The following NFIL3 variants were observed in gnomAD, a reference collection of about 807,000 sequenced individuals.
NFIL3 encodes the protein nuclear factor interleukin-3-regulated protein.
A neutral mutation model predicts 10.0 loss-of-function variants in NFIL3; 5 were observed. That is an observed-to-expected ratio of 0.50 (90% confidence interval 0.26 to 1.06). The LOEUF (loss-of-function observed/expected upper bound fraction) is 1.06. Ranked by LOEUF, NFIL3 falls within the 50% of genes least tolerant of loss-of-function variation. The pLI, the probability that NFIL3 is intolerant of heterozygous loss-of-function variation, is 0.13. For synonymous variants in NFIL3, 202 were observed against 206.5 expected (o/e 0.98, Z 0.19); for missense variants, 436 against 547.6 (o/e 0.80, Z 2.03).
chr9:91,460,271 C>CTTTTTGTTTTTTTTTTTTTTT, the NFIL3 span, among the ~76,000 whole-genome samples: 2 of 70,444 alleles, frequency 2.8e-5, no homozygotes, highest in African/African-American at 9.4e-5. Context: ...GGGCTTGGTT[C>CTTTTTGTTTTTTTTTTTTTTT]TTTTTTTTTT....
At chr9:91,446,668 A>C in the NFIL3 span, among the ~76,000 whole-genome samples, 1 of 152,026 alleles carries the variant, frequency 6.6e-6, no homozygotes, top group Non-Finnish European at 1.5e-5. Flanking sequence ...GTCTCCATAC[A>C]TTTGACCATT....
At chr9:91,452,438 T>A in the NFIL3 span, among the ~76,000 whole-genome samples, 1 of 116,834 alleles carries the variant, frequency 8.6e-6, no homozygotes, top group African/African-American at 6.0e-5. Flanking sequence ...TCAATGCACC[T>A]CTTACAGGTA....
the NFIL3 span, among the ~76,000 whole-genome samples, chr9:91,464,091 C>T: frequency 2.6e-5 from 4 of 152,032 alleles, no homozygotes; most frequent in Non-Finnish European, 2.9e-5. Context: ...TATTAACCCT[C>T]ACCAAAAATT....
At chr9:91,480,409 A>G in the NFIL3 span, among the ~76,000 whole-genome samples, 1 of 152,178 alleles carries the variant, frequency 6.6e-6, no homozygotes, top group Non-Finnish European at 1.5e-5. Context: ...AACATAGAAT[A>G]TTCTACTAGT....
chr9:91,465,335 T>C, the NFIL3 span, among the ~76,000 whole-genome samples: 1 of 152,186 alleles, frequency 6.6e-6, no homozygotes, highest in Non-Finnish European at 1.5e-5. Flanking sequence ...AACTGACCTG[T>C]GTTAAACCTC....
At chr9:91,462,706 C>T in the NFIL3 span, among the ~76,000 whole-genome samples, 4 of 151,414 alleles carry the variant, frequency 2.6e-5, no homozygotes, top group Middle Eastern at 3.4e-3. Context: ...ATGCTGGCCT[C>T]ATTGTATAAG....
At chr9:91,439,400 G>GT in the NFIL3 span, among the ~76,000 whole-genome samples, 1,026 of 151,134 alleles carry the variant, frequency 6.8e-3, 10 homozygotes, top group African/African-American at 0.023. Context: ...AGTTCTAACT[G>GT]TTTTTTTTCC....
At chr9:91,467,782 C>T in the NFIL3 span, among the ~76,000 whole-genome samples, 5 of 151,398 alleles carry the variant, frequency 3.3e-5, no homozygotes, top group East Asian at 2.0e-4. Flanking sequence ...TGAGAACATG[C>T]GGTGTTTGGT....
rs1833743296 is a variant in NFIL3 at position 91,420,559 on chromosome 9, G to A, written c.-173+3081C>T. ...GGACCCAGGGTTCTTGTGAGCCCAG[G>A]GCCTGCGCTCTTAGGATCTGTACCT... On this transcript the variant is annotated intron_variant, in intron 1 of 1. Transcript: ENST00000297689. 3.3e-5 allele frequency among the ~76,000 whole-genome samples: 5 copies of A among 152,106 alleles called. No homozygotes were observed. The South Asian group carries it at 1.0e-3, about 32-fold the overall frequency.
At chr9:91,458,769 T>C in the NFIL3 span, among the ~76,000 whole-genome samples, 1 of 152,050 alleles carries the variant, frequency 6.6e-6, no homozygotes, top group South Asian at 2.1e-4. Flanking sequence ...TATTTGGGAG[T>C]CCAAGGCAGG....
chr9:91,470,598 T>C, the NFIL3 span, among the ~76,000 whole-genome samples: 4 of 152,202 alleles, frequency 2.6e-5, no homozygotes, highest in African/African-American at 9.7e-5. Flanking sequence ...CTCTAGTTTT[T>C]TAATTGTGAT....
At chr9:91,423,299 C>T (rs1833805837) in intron 1 of NFIL3, among the ~76,000 whole-genome samples, 1 of 152,202 alleles carries the variant, frequency 6.6e-6, no homozygotes, top group African/African-American at 2.4e-5. Flanking sequence ...GGAGAGGGCT[C>T]AGCCTGCCTG....
chr9:91,472,917 T>C, the NFIL3 span, among the ~76,000 whole-genome samples: 10 of 152,244 alleles, frequency 6.6e-5, no homozygotes, highest in African/African-American at 2.2e-4. Context: ...TTGATGTTGA[T>C]GCTATTCCTT....
At chr9:91,477,513 C>G in the NFIL3 span, among the ~76,000 whole-genome samples, 1 of 152,168 alleles carries the variant, frequency 6.6e-6, no homozygotes, top group Non-Finnish European at 1.5e-5. Context: ...AGGTCATAAG[C>G]CCCATCTTAG....
At chr9:91,479,620 TC>T in the NFIL3 span, among the ~76,000 whole-genome samples, 1 of 152,170 alleles carries the variant, frequency 6.6e-6, no homozygotes, top group Non-Finnish European at 1.5e-5. Context: ...ACCCCTTGGC[TC>T]CCTGGCTTCA....
intron 1 of NFIL3, among the ~76,000 whole-genome samples, chr9:91,420,600 T>A (rs182021996): frequency 6.6e-6 from 1 of 152,214 alleles, no homozygotes; most frequent in Non-Finnish European, 1.5e-5. Flanking sequence ...AAACCTGTTC[T>A]CTAACTACTG....
At chr9:91,415,714 A>C (rs1298705902) in intron 1 of NFIL3, among the ~76,000 whole-genome samples, 1 of 147,752 alleles carries the variant, frequency 6.8e-6, no homozygotes, top group Non-Finnish European at 1.5e-5. Flanking sequence ...CACAACTTCC[A>C]CCTCCTGGGT....
At chr9:91,473,184 T>G in the NFIL3 span, among the ~76,000 whole-genome samples, 1 of 152,216 alleles carries the variant, frequency 6.6e-6, no homozygotes, top group Non-Finnish European at 1.5e-5. Flanking sequence ...GAGGAGGCAG[T>G]CTGTCTGTTC....
chr9:91,444,515 A>G, the NFIL3 span, among the ~76,000 whole-genome samples: 1 of 151,988 alleles, frequency 6.6e-6, no homozygotes, highest in African/African-American at 2.4e-5. Flanking sequence ...TGTTTCTTGT[A>G]TCCTGCATTG....
Sources: allele counts gnomAD v4.1 joint callset (sites outside exome capture counted in the v4.1 genomes callset), GRCh38; gene constraint gnomAD v4.1.1; transcripts MANE v1.5; gene names NCBI Gene and HGNC (gene_info 2026-07-23, HGNC 2026-07-21).